Variants in SRGAP2 observed in about 807,000 individuals in gnomAD.
SRGAP2 encodes the protein SLIT-ROBO Rho GTPase-activating protein 2.
In SRGAP2, 15 loss-of-function variants were observed where a neutral mutation model predicts 57.2. The observed-to-expected ratio is 0.26, with a 90% CI of 0.18 to 0.40. The LOEUF (loss-of-function observed/expected upper bound fraction) is 0.40, where lower values mean the gene tolerates loss of function less well. SRGAP2 is among the 10% of genes least tolerant of loss of function. SRGAP2 has a pLI of 1.00. For missense variants in SRGAP2, 520 were observed against 669.6 expected (o/e 0.78, Z 2.47); for synonymous variants, 249 against 248.0 (o/e 1.00, Z -0.04).
chr1:206,450,240 A>G (rs1226965456), intron 18 of SRGAP2, 146 bp from the exon 19 acceptor site: 1 of 584,838 alleles, frequency 1.7e-6, no homozygotes, highest in Non-Finnish European at 3.1e-6. Flanking sequence ...GTATTTCATT[A>G]TAAGCATTTG....
chr1:206,430,348 T>A, intron 14 of SRGAP2, 126 bp downstream of exon 14: 2 of 680,252 alleles, frequency 2.9e-6, no homozygotes. Flanking sequence ...AATAAATTCT[T>A]ACTTGTCCAC....
chr1:206,441,330 A>G lies in SRGAP2; in HGVS notation c.1874+1249A>G, dbSNP rs782027039. 5.8e-4 allele frequency among the ~76,000 whole-genome samples: 89 copies of G among 152,146 alleles called. 1 individual carries two copies. The highest frequency in any genetic ancestry group is 1.1e-3 in the Non-Finnish European group (75 of 68,022). ...CCCATGTACTGGTGGTATTTAGCTA[A>G]TCACCCAGGGAACGGATGTGTCTAC... On this transcript the variant is annotated intron_variant, in intron 17 of 22. Transcript: ENST00000573034.
intron 2 of SRGAP2, among the ~76,000 whole-genome samples, chr1:206,283,738 A>G (rs1441315150): frequency 6.7e-6 from 1 of 148,708 alleles, no homozygotes; most frequent in Non-Finnish European, 1.5e-5. Context: ...TCAGGAATTT[A>G]AAAAATAATG....
intron 11 of SRGAP2, among the ~76,000 whole-genome samples, chr1:206,416,685 A>G (rs1456417567): frequency 2.0e-5 from 3 of 152,054 alleles, no homozygotes; most frequent in Non-Finnish European, 4.4e-5. Context: ...GTTTTTTGGC[A>G]CCCTGCCCAG....
At chr1:206,365,746 C>T (rs568048604) in intron 4 of SRGAP2, among the ~76,000 whole-genome samples, 27 of 141,072 alleles carry the variant, frequency 1.9e-4, no homozygotes, top group African/African-American at 6.2e-4. Context: ...TGGTTGGGGA[C>T]CCAGGGCTCT....
intron 13 of SRGAP2, 137 bp from the exon 14 acceptor site, chr1:206,430,025 G>A: frequency 1.5e-6 from 1 of 664,152 alleles, no homozygotes; most frequent in Admixed American, 2.2e-5. Flanking sequence ...CTGGAACTTG[G>A]AGGACAGGCC....
chr1:206,394,948 G>T (rs1452216131), intron 7 of SRGAP2, among the ~76,000 whole-genome samples: 2,700 of 120,732 alleles, frequency 0.022, no homozygotes, highest in Non-Finnish European at 0.037. Flanking sequence ...AGTCTCTGGG[G>T]CTTCAAGTGT....
chr1:206,232,106 G>A (rs1310916682), intron 2 of SRGAP2, among the ~76,000 whole-genome samples: 1 of 151,608 alleles, frequency 6.6e-6, no homozygotes, highest in Non-Finnish European at 1.5e-5. Context: ...ATCTGCCCTG[G>A]TGTCTGCATT....
chr1:206,314,243 T>C (rs565529324), intron 3 of SRGAP2, among the ~76,000 whole-genome samples: 31 of 152,028 alleles, frequency 2.0e-4, no homozygotes, highest in African/African-American at 7.5e-4. Context: ...CAAGCTATTC[T>C]CCTGCCTCAG....
chr1:206,253,607 A>G (rs112464058), intron 2 of SRGAP2, among the ~76,000 whole-genome samples: 1 of 95,534 alleles, frequency 1.0e-5, no homozygotes, highest in Admixed American at 1.6e-4. Context: ...GCGGAGTCTC[A>G]CTCCGTCCCC....
chr1:206,354,459 C>A (rs1461861088), intron 4 of SRGAP2, among the ~76,000 whole-genome samples: 1 of 152,200 alleles, frequency 6.6e-6, no homozygotes, highest in Non-Finnish European at 1.5e-5. Flanking sequence ...ACTTGGCAGG[C>A]TTTGAATGCC....
chr1:206,305,958 G>A (rs1199755419), intron 3 of SRGAP2, among the ~76,000 whole-genome samples: 2 of 151,546 alleles, frequency 1.3e-5, no homozygotes, highest in Admixed American at 6.6e-5. Flanking sequence ...TGTTATTTTA[G>A]TATGTGATAA....
chr1:206,326,587 A>G (rs1553330029), intron 3 of SRGAP2, among the ~76,000 whole-genome samples: 1 of 152,252 alleles, frequency 6.6e-6, no homozygotes, highest in Non-Finnish European at 1.5e-5. Context: ...AACGGTTACT[A>G]GTCAGGAGAC....
intron 4 of SRGAP2, among the ~76,000 whole-genome samples, chr1:206,360,023 G>A (rs1422201668): frequency 6.6e-6 from 1 of 151,340 alleles, no homozygotes; most frequent in Non-Finnish European, 1.5e-5. Context: ...AGCCAGGATG[G>A]TCTCGATCTC....
intron 17 of SRGAP2, among the ~76,000 whole-genome samples, chr1:206,444,048 G>A (rs548592500): frequency 2.0e-5 from 3 of 152,036 alleles, no homozygotes; most frequent in African/African-American, 7.2e-5. Flanking sequence ...AAATTAGCCA[G>A]GCGTGGTGGT....
rs1167380929 is a variant in SRGAP2, at chr1:206,273,090, A to G, written c.68-30191A>G. 5.9e-5 allele frequency among the ~76,000 whole-genome samples: 9 copies of G among 152,116 alleles called. No individual in the cohort carries two copies. In the South Asian group the frequency reaches 1.2e-3, roughly 21 times the overall value. ...TTTTCTCTCCATCTTTGCAGCCACA[A>G]ACTCCTTTGTTCCACTTTTTACGTC... is the stretch of plus-strand genomic sequence containing the variant. On this transcript the variant is annotated intron_variant, in intron 2 of 22. Transcript: ENST00000573034.
rs1661822322 is a variant in SRGAP2, at chr1:206,437,055, T to C, written c.1633+13T>C. On this transcript the variant is annotated intron_variant, in intron 15 of 22. Transcript: ENST00000573034. ...GCCTTTGAGAGAGGTAAGGAAACAG[T>C]CTTGAAGATAAAACCAAATATTTGC... is the stretch of plus-strand genomic sequence containing the variant. The C allele has an allele frequency of 1.3e-6, 1 of 780,408 alleles. No homozygotes were observed. The highest frequency in any genetic ancestry group is 2.4e-6 in the Non-Finnish European group (1 of 417,788). The allele number at this position is 780,408 out of a possible 1,614,324, so 48.3% of individuals were successfully genotyped here.
At chr1:206,299,627 G>GAGC (rs1230054139) in intron 2 of SRGAP2, among the ~76,000 whole-genome samples, 5 of 152,184 alleles carry the variant, frequency 3.3e-5, no homozygotes, top group Non-Finnish European at 7.4e-5. Flanking sequence ...GTCTTTGTAG[G>GAGC]AGCAGCAGCA....
chr1:206,205,299 G>T (rs1397771938), intron 1 of SRGAP2, 130 bp from the exon 2 acceptor site: 1 of 140,148 alleles, frequency 7.1e-6, no homozygotes, highest in African/African-American at 2.7e-5. Context: ...GGCTCTGCGG[G>T]CGGGGAGACG....
Sources: allele counts gnomAD v4.1 joint callset (sites outside exome capture counted in the v4.1 genomes callset), GRCh38; gene constraint gnomAD v4.1.1; transcripts MANE v1.5; gene names NCBI Gene and HGNC (gene_info 2026-07-23, HGNC 2026-07-21).